Variants in ARHGAP29 observed in about 807,000 individuals in gnomAD.
ARHGAP29 encodes the protein Rho GTPase activating protein 29.
Under a neutral mutation model 122.6 loss-of-function variants are expected in ARHGAP29, and 43 were observed. That is an observed-to-expected ratio of 0.35 (90% CI 0.27 to 0.45). The LOEUF is 0.45. Ranked by LOEUF, ARHGAP29 falls within the 20% of genes least tolerant of loss-of-function variation. ARHGAP29 has a pLI of 1.00. For missense variants in ARHGAP29, 1,303 were observed against 1,477.2 expected (o/e 0.88, Z 1.93); for synonymous variants, 506 against 497.1 (o/e 1.02, Z -0.24).
At chr1:94,211,004 G>T (rs1483917221) in intron 3 of ARHGAP29, among the ~76,000 whole-genome samples, 1 of 151,748 alleles carries the variant, frequency 6.6e-6, no homozygotes, top group Non-Finnish European at 1.5e-5. Context: ...GGACATAACA[G>T]CCAGGTGCAG....
At chr1:94,238,706 A>C (rs1653452865), upstream of ARHGAP29, among the ~76,000 whole-genome samples, 1 of 152,162 alleles carries the variant, frequency 6.6e-6, no homozygotes, top group Admixed American at 6.5e-5. Flanking sequence ...AAGGGAAGAA[A>C]ACCAAGGAAG....
chr1:94,185,569 G>T (rs1468979941), intron 16 of ARHGAP29, 88 bp from the exon 17 acceptor site: 1 of 1,148,856 alleles, frequency 8.7e-7, no homozygotes, highest in Non-Finnish European at 1.2e-6. Context: ...TTTAAACCCT[G>T]TAATCATTCA....
At chr1:94,280,362 G>A in the ARHGAP29 span, among the ~76,000 whole-genome samples, 2 of 152,146 alleles carry the variant, frequency 1.3e-5, no homozygotes, top group Admixed American at 1.3e-4. Context: ...GAGACACAAT[G>A]CTGCAGACCA....
chr1:94,291,275 T>C, the ARHGAP29 span, among the ~76,000 whole-genome samples: 18 of 152,096 alleles, frequency 1.2e-4, no homozygotes, highest in Admixed American at 4.6e-4. Flanking sequence ...GGTTGTTTGT[T>C]TGTTTGTTTT....
chr1:94,236,694 T>A (rs976439783), intron 1 of ARHGAP29, among the ~76,000 whole-genome samples: 4 of 152,236 alleles, frequency 2.6e-5, no homozygotes, highest in South Asian at 2.1e-4. Flanking sequence ...TTTTTTTTTT[T>A]AATTAAAACT....
intron 3 of ARHGAP29, among the ~76,000 whole-genome samples, chr1:94,215,463 G>A (rs999969509): frequency 2.1e-4 from 32 of 151,846 alleles, no homozygotes; most frequent in African/African-American, 7.7e-4. Flanking sequence ...GTGTGGCCTG[G>A]GCATACAACT....
At chr1:94,220,493 A>G in intron 2 of ARHGAP29, 101 bp from the exon 3 acceptor site, 2 of 1,129,438 alleles carry the variant, frequency 1.8e-6, no homozygotes, top group Non-Finnish European at 2.4e-6. Flanking sequence ...AGCATTGGTT[A>G]CACAATTTTT....
intron 22 of ARHGAP29, among the ~76,000 whole-genome samples, chr1:94,176,152 A>C (rs1649077640): frequency 6.6e-6 from 1 of 152,060 alleles, no homozygotes; most frequent in Non-Finnish European, 1.5e-5. Context: ...AAGAGCACAG[A>C]CTCTGAAGCA....
intron 17 of ARHGAP29, 53 bp downstream of exon 17, chr1:94,185,289 A>T: frequency 6.7e-7 from 1 of 1,503,586 alleles, no homozygotes; most frequent in Admixed American, 2.5e-5. Flanking sequence ...AAAAACAAAA[A>T]AGTATAAAAC....
chr1:94,184,360 A>G (rs1232545666), intron 18 of ARHGAP29, 72 bp from the exon 19 acceptor site: 4 of 1,096,504 alleles, frequency 3.6e-6, no homozygotes, highest in Non-Finnish European at 5.2e-6. Flanking sequence ...ATATCTACAT[A>G]TACTTGATTT....
intron 3 of ARHGAP29, among the ~76,000 whole-genome samples, chr1:94,219,920 T>A (rs1291948287): frequency 1.3e-5 from 2 of 152,168 alleles, no homozygotes; most frequent in Admixed American, 1.3e-4. Context: ...CTCTCCAATT[T>A]CAATTTGTCC....
Position 94,177,859 on chromosome 1 carries a change from G to A in ARHGAP29, c.2789C>T (p.Ser930Leu), listed in dbSNP as rs774558206. The A allele has an allele frequency of 3.1e-6, 5 of 1,605,258 alleles. No homozygotes were observed. The East Asian group carries it at 1.1e-4, about 36-fold the overall frequency. ...TATAAAGGTCAAACTCACTTCCTTT[G>A]AAGAAAAAAATAGTGACTTCATGGA... ...ERSMKSLFFSSKEDIHTSESE... is the reference protein window; with the variant it reads ...ERSMKSLFFSLKEDIHTSESE... The change falls in exon 21 of 23, where the codon TCA (serine) becomes TTA (leucine). Residue 930 changes from serine to leucine, a missense_variant. Transcript: ENST00000260526.
the ARHGAP29 span, among the ~76,000 whole-genome samples, chr1:94,296,564 G>C: frequency 6.6e-6 from 1 of 152,092 alleles, no homozygotes; most frequent in Admixed American, 6.6e-5. Flanking sequence ...CCTCAATCAG[G>C]GGGGACTACT....
In ARHGAP29 at chr1:94,174,668, G is replaced by A. The variant is rs1301837366; in HGVS notation, c.2987C>T (p.Ser996Phe). Residue 996 changes from serine to phenylalanine, a missense_variant, in exon 23 of 23, where the codon TCT becomes TTT. Ser to Phe is a radical substitution (Grantham distance 155). This residue lies in a region of ARHGAP29 where 620 missense variants were observed against 651.2 expected (regional missense o/e 0.95). Coordinates refer to ENST00000260526, the MANE Select transcript of ARHGAP29 (RefSeq NM_004815.4). Reference protein sequence around the residue: ...IEDGKTPKPLSLKSDRSTNNV... With the variant: ...IEDGKTPKPLFLKSDRSTNNV... ...GTTTGTTGACCTATCAGATTTCAGA[G>A]AAAGTGGCTTAGGGGTTTTACCATC... The A allele has an allele frequency of 1.2e-6, 2 of 1,613,990 alleles. No homozygotes were observed. The highest frequency in any genetic ancestry group is 1.7e-6 in the Non-Finnish European group (2 of 1,180,030).
intron 18 of ARHGAP29, among the ~76,000 whole-genome samples, chr1:94,184,574 T>A (rs1279623935): frequency 1.3e-5 from 2 of 151,874 alleles, no homozygotes; most frequent in African/African-American, 2.4e-5. Context: ...GGAGACCACA[T>A]CTCTACAGAA....
chr1:94,175,041 T>C lies in ARHGAP29; in HGVS notation c.2906-292A>G, dbSNP rs1649005133. On this transcript the variant is annotated intron_variant, in intron 22 of 22. Coordinates refer to ENST00000260526, the MANE Select transcript of ARHGAP29 (RefSeq NM_004815.4). ...TAAGTGCTGTGCATGAACAAGTACT[T>C]TCTGGGTCAAAAGACTATCACAATT... 3.9e-5 allele frequency among the ~76,000 whole-genome samples: 6 copies of C among 152,284 alleles called. No individual in the cohort carries two copies. In the South Asian group the frequency reaches 1.2e-3, roughly 32 times the overall value.
chr1:94,314,400 C>T, the ARHGAP29 span, among the ~76,000 whole-genome samples: 1 of 152,192 alleles, frequency 6.6e-6, no homozygotes, highest in African/African-American at 2.4e-5. Flanking sequence ...GAACCCAAGA[C>T]TCCATGATTC....
chr1:94,178,642 A>C (rs78584620), intron 20 of ARHGAP29, among the ~76,000 whole-genome samples: 1 of 152,242 alleles, frequency 6.6e-6, no homozygotes, highest in African/African-American at 2.4e-5. Context: ...GGAGATCTGA[A>C]TTGTAATAAA....
intron 19 of ARHGAP29, among the ~76,000 whole-genome samples, chr1:94,183,932 A>G (rs1158415135): frequency 6.6e-6 from 1 of 151,920 alleles, no homozygotes; most frequent in Admixed American, 6.6e-5. Context: ...GTAATATTCT[A>G]TTTTCTTAAG....
Sources: gnomAD v4.1 joint callset for allele counts (sites outside exome capture counted in the v4.1 genomes callset) on GRCh38, gnomAD v4.1.1 for gene constraint, gnomAD v4.1.1 regional missense constraint, MANE v1.5 for transcripts, NCBI Gene and HGNC (gene_info 2026-07-23, HGNC 2026-07-21) for gene names.